STXBP5L: variants seen among roughly 807,000 people sequenced by gnomAD.
The protein encoded by STXBP5L is syntaxin-binding protein 5-like.
STXBP5L carries 65 observed loss-of-function variants against 144.5 expected under a neutral mutation model. The ratio of observed to expected loss-of-function variants is 0.45; its 90% CI spans 0.37 to 0.55. The LOEUF is 0.55. STXBP5L is among the 20% of genes least tolerant of loss of function. The pLI is 0.00. For synonymous variants in STXBP5L, 505 were observed against 469.6 expected (o/e 1.08, Z -0.97); for missense variants, 1,298 against 1,405.5 (o/e 0.92, Z 1.22).
At chr3:120,978,100 A>T (rs561425325) in intron 3 of STXBP5L, among the ~76,000 whole-genome samples, 1 of 152,310 alleles carries the variant, frequency 6.6e-6, no homozygotes, top group East Asian at 1.9e-4. Flanking sequence ...CTGCCTTGCT[A>T]GATTGGGGAA....
chr3:121,346,501 G>C (rs1300765592), intron 20 of STXBP5L, among the ~76,000 whole-genome samples: 1 of 152,044 alleles, frequency 6.6e-6, no homozygotes, highest in Non-Finnish European at 1.5e-5. Context: ...GGTATTTCTA[G>C]TACTAGATCC....
intron 20 of STXBP5L, among the ~76,000 whole-genome samples, chr3:121,371,166 C>T (rs973526452): frequency 1.3e-5 from 2 of 152,130 alleles, no homozygotes; most frequent in African/African-American, 4.8e-5. Context: ...AAGTTGTTGT[C>T]CTTTGGATGA....
At chr3:121,041,500 CT>C (rs34695241) in intron 3 of STXBP5L, among the ~76,000 whole-genome samples, 199 bp from the exon 4 acceptor site, 1 of 151,868 alleles carries the variant, frequency 6.6e-6, no homozygotes, top group South Asian at 2.1e-4. Flanking sequence ...TATTGTCATT[CT>C]TTTTTTCAAA....
intron 20 of STXBP5L, among the ~76,000 whole-genome samples, chr3:121,352,001 T>C (rs1306466249): frequency 6.6e-6 from 1 of 152,130 alleles, no homozygotes; most frequent in African/African-American, 2.4e-5. Flanking sequence ...TGTAGATGTG[T>C]AGTGTTATTT....
intron 20 of STXBP5L, among the ~76,000 whole-genome samples, chr3:121,348,313 G>C (rs1014046073): frequency 1.3e-5 from 2 of 152,120 alleles, no homozygotes; most frequent in Non-Finnish European, 2.9e-5. Context: ...AAGTCCACTT[G>C]ACCATGGTGG....
intron 2 of STXBP5L, among the ~76,000 whole-genome samples, chr3:120,953,518 TG>T (rs1164434530): frequency 1.3e-5 from 2 of 149,928 alleles, no homozygotes; most frequent in Non-Finnish European, 3.0e-5. Context: ...TTTTTTTTTT[TG>T]TAGAGATGGG....
chr3:121,066,746 G>A (rs1042048304), intron 5 of STXBP5L, among the ~76,000 whole-genome samples: 2 of 152,008 alleles, frequency 1.3e-5, no homozygotes, highest in Non-Finnish European at 2.9e-5. Flanking sequence ...ATGAATGGGG[G>A]ATGTTTCCTT....
chr3:121,126,182 G>T (rs186493792), intron 7 of STXBP5L, among the ~76,000 whole-genome samples: 1 of 152,218 alleles, frequency 6.6e-6, no homozygotes, highest in Non-Finnish European at 1.5e-5. Context: ...AATTATTCTC[G>T]ATAAGGGACT....
At chr3:121,055,906 T>G (rs907513549) in intron 5 of STXBP5L, among the ~76,000 whole-genome samples, 2 of 149,576 alleles carry the variant, frequency 1.3e-5, no homozygotes, top group Admixed American at 6.7e-5. Context: ...TTGCCCAGGC[T>G]GATTTCAAAT....
At chr3:121,134,568 A>G (rs1250162664) in intron 7 of STXBP5L, among the ~76,000 whole-genome samples, 1 of 147,990 alleles carries the variant, frequency 6.8e-6, no homozygotes, top group Non-Finnish European at 1.5e-5. Flanking sequence ...CCCCCACCCC[A>G]TAACAGGCCC....
intron 20 of STXBP5L, among the ~76,000 whole-genome samples, chr3:121,324,267 G>A (rs892888504): frequency 5.3e-5 from 8 of 152,040 alleles, no homozygotes; most frequent in African/African-American, 1.7e-4. Flanking sequence ...TGCTCCTTCT[G>A]GGCATTCCTA....
intron 22 of STXBP5L, among the ~76,000 whole-genome samples, chr3:121,392,052 G>A (rs1039721172): frequency 6.6e-6 from 1 of 152,156 alleles, no homozygotes; most frequent in Non-Finnish European, 1.5e-5. Flanking sequence ...AGCTGTGGTG[G>A]GCTCCATCCA....
chr3:121,369,865 T>A (rs1035562633), intron 20 of STXBP5L, among the ~76,000 whole-genome samples: 5 of 152,350 alleles, frequency 3.3e-5, no homozygotes, highest in Admixed American at 3.3e-4. Flanking sequence ...CTGCATTTAC[T>A]GAATGTGAAT....
At chr3:121,086,840 T>G (rs1345045186) in intron 5 of STXBP5L, among the ~76,000 whole-genome samples, 1 of 152,092 alleles carries the variant, frequency 6.6e-6, no homozygotes, top group Non-Finnish European at 1.5e-5. Context: ...ACTATCTAGG[T>G]TAGTGTAAGT....
intron 12 of STXBP5L, among the ~76,000 whole-genome samples, chr3:121,236,571 G>A (rs558389856): frequency 1.3e-5 from 2 of 152,258 alleles, no homozygotes; most frequent in African/African-American, 2.4e-5. Context: ...TCATGGGAAC[G>A]AAGAGTGGGA....
intron 15 of STXBP5L, among the ~76,000 whole-genome samples, chr3:121,251,768 G>A (rs1333200715): frequency 6.6e-6 from 1 of 152,128 alleles, no homozygotes; most frequent in African/African-American, 2.4e-5. Flanking sequence ...AAACACACAA[G>A]CAGAGGAAGA....
At chr3:121,416,495 ATTTATTTATTTATTAT>A (rs761865513) in intron 25 of STXBP5L, among the ~76,000 whole-genome samples, 6 of 107,522 alleles carry the variant, frequency 5.6e-5, no homozygotes, top group Admixed American at 2.8e-4. Context: ...TTATTTATTT[ATTTATTTATTTATTAT>A]TTATTTATTT....
chr3:121,088,186 T>G, intron 5 of STXBP5L, among the ~76,000 whole-genome samples: 3 of 144,494 alleles, frequency 2.1e-5, no homozygotes, highest in Admixed American at 7.1e-5. Context: ...TTTCGCAACC[T>G]ACTCATCTGA....
At chr3:121,348,924 A>T (rs2045137108) in intron 20 of STXBP5L, among the ~76,000 whole-genome samples, 1 of 151,874 alleles carries the variant, frequency 6.6e-6, no homozygotes. Flanking sequence ...GGATTCATTG[A>T]TTTTTTGAAG....
Sources: allele counts gnomAD v4.1 joint callset (sites outside exome capture counted in the v4.1 genomes callset), GRCh38; gene constraint gnomAD v4.1.1; transcripts MANE v1.5; gene names NCBI Gene and HGNC (gene_info 2026-07-23, HGNC 2026-07-21).